Variants in CNTNAP2 observed in about 807,000 individuals in gnomAD.
CNTNAP2 encodes contactin associated protein 2.
CNTNAP2 carries 98 observed loss-of-function variants against 155.2 expected under a neutral mutation model. That is an observed-to-expected ratio of 0.63 (90% CI 0.54 to 0.75). The LOEUF is 0.75. Among genes scored for constraint, CNTNAP2 ranks in the 30% least tolerant of loss-of-function variants. The probability of loss-of-function intolerance (pLI) is 0.00; values close to 1 mark genes in which losing one functional copy is unlikely to be tolerated. For missense variants in CNTNAP2, 1,727 were observed against 1,688.1 expected (o/e 1.02, Z -0.40); for synonymous variants, 651 against 631.2 (o/e 1.03, Z -0.47).
intron 13 of CNTNAP2, among the ~76,000 whole-genome samples, chr7:147,678,552 G>A (rs766489225): frequency 4.0e-5 from 6 of 151,818 alleles, no homozygotes; most frequent in South Asian, 2.1e-4. Context: ...TAAGGATTCC[G>A]CGTTTTTTAT....
intron 3 of CNTNAP2, among the ~76,000 whole-genome samples, chr7:146,956,571 T>G (rs148349101): frequency 6.6e-6 from 1 of 152,178 alleles, no homozygotes; most frequent in African/African-American, 2.4e-5. Context: ...ATTTTAAATA[T>G]ACTCTCTGTG....
chr7:148,152,878 A>T (rs1194964636), intron 17 of CNTNAP2, among the ~76,000 whole-genome samples: 2 of 151,912 alleles, frequency 1.3e-5, no homozygotes, highest in African/African-American at 4.8e-5. Flanking sequence ...AAAATTAGCC[A>T]GGTGTAGTGG....
At chr7:146,825,655 T>C (rs1285350349) in intron 2 of CNTNAP2, among the ~76,000 whole-genome samples, 1 of 152,140 alleles carries the variant, frequency 6.6e-6, no homozygotes, top group East Asian at 1.9e-4. Flanking sequence ...TGTACAAATA[T>C]GAAAAGTGGA....
intron 1 of CNTNAP2, among the ~76,000 whole-genome samples, chr7:146,338,958 G>A (rs1801327441): frequency 6.6e-6 from 1 of 151,978 alleles, no homozygotes; most frequent in Admixed American, 6.6e-5. Context: ...CGAGGTGGGT[G>A]GATCACCTGA....
chr7:146,998,224 G>T (rs1474485382), intron 3 of CNTNAP2, among the ~76,000 whole-genome samples: 1 of 151,868 alleles, frequency 6.6e-6, no homozygotes, highest in Non-Finnish European at 1.5e-5. Flanking sequence ...AGAATATGTT[G>T]TGTTCCCATT....
rs547549990 is a variant in CNTNAP2, at chr7:147,965,830, G to A, written c.2256-12032G>A. 7.2e-5 allele frequency among the ~76,000 whole-genome samples: 11 copies of A among 152,028 alleles called. No individual in the cohort carries two copies. The East Asian group carries it at 1.9e-3, about 27-fold the overall frequency. ...TATTTTGAAGTTCTGTTTTTATTTG[G>A]GCCACCTCACCCTGAAGAGTAAGTA... On this transcript the variant is annotated intron_variant, in intron 14 of 23. Coordinates refer to ENST00000361727, the MANE Select transcript of CNTNAP2 (RefSeq NM_014141.6).
At chr7:147,343,191 C>T (rs1422727328) in intron 9 of CNTNAP2, among the ~76,000 whole-genome samples, 4 of 151,970 alleles carry the variant, frequency 2.6e-5, no homozygotes, top group Non-Finnish European at 4.4e-5. Flanking sequence ...TGAAGCAGAT[C>T]GCTTTCTTTG....
intron 13 of CNTNAP2, among the ~76,000 whole-genome samples, chr7:147,664,287 T>G (rs1795661474): frequency 1.3e-5 from 2 of 152,180 alleles, no homozygotes; most frequent in African/African-American, 4.8e-5. Flanking sequence ...TTGTTGGTGG[T>G]GGTTTGTTTG....
intron 11 of CNTNAP2, among the ~76,000 whole-genome samples, chr7:147,532,230 G>A (rs1799452929): frequency 1.3e-5 from 2 of 152,116 alleles, no homozygotes; most frequent in Non-Finnish European, 2.9e-5. Flanking sequence ...TTGCTGCTTA[G>A]AAATTTATTC....
rs866835505 is a variant in CNTNAP2, at chr7:147,105,408, C to T, written c.551-2739C>T. ...AGTTCAACCATACATATTTAATCAC[C>T]GCATCGAAAACTTAATTCTAGGGAG... On this transcript the variant is annotated intron_variant, in intron 4 of 23. Transcript: ENST00000361727. Among the ~76,000 whole-genome samples, 94 of 151,884 alleles carry T rather than the reference C, an allele frequency of 6.2e-4. No homozygotes were observed. The Middle Eastern group carries it at 0.01, about 16-fold the overall frequency.
intron 1 of CNTNAP2, among the ~76,000 whole-genome samples, chr7:146,602,829 A>G (rs188177718): frequency 2.3e-3 from 353 of 152,314 alleles, no homozygotes; most frequent in Admixed American, 3.9e-3. Flanking sequence ...TTGAAACACC[A>G]AAGATTGTAT....
intron 18 of CNTNAP2, among the ~76,000 whole-genome samples, chr7:148,195,752 TG>T (rs2116723748): frequency 6.6e-6 from 1 of 152,318 alleles, no homozygotes; most frequent in South Asian, 2.1e-4. Flanking sequence ...ATCCTATAAC[TG>T]AGACTCTTTT....
chr7:147,296,109 T>A (rs1208737850), intron 8 of CNTNAP2, among the ~76,000 whole-genome samples: 1 of 152,194 alleles, frequency 6.6e-6, no homozygotes, highest in Non-Finnish European at 1.5e-5. Context: ...ACCGAAGATA[T>A]TTTATAAGGG....
At chr7:147,977,112 C>T (rs1279887743) in intron 14 of CNTNAP2, among the ~76,000 whole-genome samples, 1 of 152,084 alleles carries the variant, frequency 6.6e-6, no homozygotes, top group East Asian at 1.9e-4. Context: ...TTAAGCCCAT[C>T]TCCAGGAACC....
At chr7:148,104,508 G>T (rs1467869308) in intron 15 of CNTNAP2, among the ~76,000 whole-genome samples, 1 of 152,208 alleles carries the variant, frequency 6.6e-6, no homozygotes, top group African/African-American at 2.4e-5. Flanking sequence ...GCTCTGCACA[G>T]TGGTGGAGTG....
chr7:146,684,639 C>CAAAAAAA (rs3080477), intron 1 of CNTNAP2, among the ~76,000 whole-genome samples: 22,218 of 63,228 alleles, frequency 0.35, 6,617 homozygotes, highest in South Asian at 0.6. Context: ...AGATCCAGCG[C>CAAAAAAA]AAAAAAAAAA....
intron 11 of CNTNAP2, among the ~76,000 whole-genome samples, chr7:147,514,050 C>T (rs1042569026): frequency 6.6e-6 from 1 of 152,096 alleles, no homozygotes; most frequent in Non-Finnish European, 1.5e-5. Flanking sequence ...TCTACTCAAG[C>T]AAATTTCACC....
rs794727802 is a variant in CNTNAP2, at chr7:147,121,071, C to T, written c.847C>T (p.Arg283Cys). The change falls in exon 6 of 24, where the codon CGC (arginine) becomes TGC (cysteine). Residue 283 changes from arginine (R) to cysteine (C), a missense_variant. By Grantham distance (180) the Arg-to-Cys change is radical. Coordinates refer to ENST00000361727, the MANE Select transcript of CNTNAP2 (RefSeq NM_014141.6). ...CCACTGGCACTCTGTGGTCATTGAG[C>T]GCCAGGGGCGGAGCATTAACCTCAC... ...DHHWHSVVIE[R>C]QGRSINLTLD... 5.6e-6 allele frequency: 9 copies of T among 1,613,906 alleles called. No individual in the cohort carries two copies. The highest frequency in any genetic ancestry group is 1.7e-5 in the Admixed American group (1 of 59,992).
At chr7:146,493,522 A>C (rs925250159) in intron 1 of CNTNAP2, among the ~76,000 whole-genome samples, 1 of 152,162 alleles carries the variant, frequency 6.6e-6, no homozygotes, top group African/African-American at 2.4e-5. Flanking sequence ...AGGAGGTGAA[A>C]TAAGAGAACT....
Sources: allele counts gnomAD v4.1 joint callset (sites outside exome capture counted in the v4.1 genomes callset), GRCh38; gene constraint gnomAD v4.1.1; transcripts MANE v1.5; gene names NCBI Gene and HGNC (gene_info 2026-07-23, HGNC 2026-07-21).